Variants in CRYBA4 observed in about 807,000 individuals in gnomAD.
CRYBA4 encodes crystallin beta A4.
Under a neutral mutation model 31.7 loss-of-function variants are expected in CRYBA4, and 30 were observed. The ratio of observed to expected loss-of-function variants is 0.95; its 90% confidence interval spans 0.71 to 1.28. CRYBA4 has a LOEUF of 1.28. CRYBA4 is among the 50% of genes most tolerant of loss of function. The pLI, the probability that CRYBA4 is intolerant of heterozygous loss-of-function variation, is 0.00. For missense variants in CRYBA4, 225 were observed against 260.7 expected (o/e 0.86, Z 0.94); for synonymous variants, 102 against 102.3 (o/e 1.00, Z 0.02).
In CRYBA4 at chr22:26,630,426, G is replaced by T; in HGVS notation, c.530G>T (p.Arg177Leu). 1.2e-6 allele frequency: 2 copies of T among 1,614,112 alleles called. No individual in the cohort carries two copies. The highest frequency in any genetic ancestry group is 1.7e-6 in the Non-Finnish European group (2 of 1,180,028). ...DHHSGDYKHF[R>L]EWGSHAPTFQ... ...CATTCCGGTGACTACAAACATTTCC[G>T]GGAGTGGGGCTCTCATGCCCCGACC... Residue 177 changes from arginine (R) to leucine (L), a missense_variant, in exon 6 of 6, where the codon CGG (arginine) becomes CTG (leucine). Physicochemically the swap from Arg to Leu is moderately radical, Grantham distance 102 (BLOSUM62 -2). Coordinates refer to ENST00000354760, the MANE Select transcript of CRYBA4 (RefSeq NM_001886.3).
At chr22:26,627,324 CTTT>C in intron 4 of CRYBA4, among the ~76,000 whole-genome samples, 1 of 143,892 alleles carries the variant, frequency 6.9e-6, no homozygotes, top group African/African-American at 2.6e-5. Flanking sequence ...CTTTTCTTTT[CTTT>C]TCCTTTCCCC....
upstream of CRYBA4, among the ~76,000 whole-genome samples, chr22:26,621,645 G>A (rs1278058041): frequency 2.0e-5 from 3 of 152,180 alleles, no homozygotes; most frequent in South Asian, 2.1e-4. Flanking sequence ...GAAATGACTC[G>A]CTGGAGCTCA....
chr22:26,591,142 G>A, the CRYBA4 span, among the ~76,000 whole-genome samples: 5 of 151,888 alleles, frequency 3.3e-5, no homozygotes, highest in Admixed American at 1.3e-4. Context: ...GAGGCGAGGC[G>A]GGCGGATCAC....
At chr22:26,609,367 T>A in the CRYBA4 span, among the ~76,000 whole-genome samples, 1 of 152,094 alleles carries the variant, frequency 6.6e-6, no homozygotes, top group East Asian at 1.9e-4. Flanking sequence ...GAGAAATAAA[T>A]GGGAGAATAG....
the CRYBA4 span, among the ~76,000 whole-genome samples, chr22:26,596,210 C>T: frequency 5.9e-5 from 9 of 152,184 alleles, no homozygotes; most frequent in African/African-American, 2.2e-4. Context: ...ATTCTGCTGC[C>T]TCAGCCTCCA....
chr22:26,599,991 C>T, the CRYBA4 span, among the ~76,000 whole-genome samples: 1 of 152,226 alleles, frequency 6.6e-6, no homozygotes, highest in African/African-American at 2.4e-5. Context: ...TATGAATACA[C>T]ATCCCATTAA....
chr22:26,615,988 TAGAA>T, the CRYBA4 span: 5 of 709,920 alleles, frequency 7.0e-6, no homozygotes, highest in African/African-American at 1.8e-5. Context: ...GGAGAGTAAA[TAGAA>T]AGGAGAGAAA....
the CRYBA4 span, chr22:26,608,142 A>T: frequency 2.8e-6 from 4 of 1,423,186 alleles, no homozygotes; most frequent in Non-Finnish European, 3.9e-6. Flanking sequence ...GAAAGTCCAA[A>T]GGGGGCTGAA....
At chr22:26,595,160 A>G in the CRYBA4 span, among the ~76,000 whole-genome samples, 1 of 152,212 alleles carries the variant, frequency 6.6e-6, no homozygotes, top group Non-Finnish European at 1.5e-5. Context: ...CATTTTGTTT[A>G]TTCATAAATT....
At chr22:26,591,337 G>A in the CRYBA4 span, among the ~76,000 whole-genome samples, 1 of 152,110 alleles carries the variant, frequency 6.6e-6, no homozygotes, top group Non-Finnish European at 1.5e-5. Context: ...CGGGTGTGGT[G>A]GTACATGCCT....
the CRYBA4 span, among the ~76,000 whole-genome samples, chr22:26,592,393 C>T: frequency 6.6e-6 from 1 of 152,210 alleles, no homozygotes; most frequent in Non-Finnish European, 1.5e-5. Flanking sequence ...GTAAAGTGAG[C>T]ACCTGTAACT....
chr22:26,595,161 T>C, the CRYBA4 span, among the ~76,000 whole-genome samples: 1 of 152,284 alleles, frequency 6.6e-6, no homozygotes, highest in Non-Finnish European at 1.5e-5. Context: ...ATTTTGTTTA[T>C]TCATAAATTC....
At chr22:26,591,524 C>G in the CRYBA4 span, among the ~76,000 whole-genome samples, 1 of 148,064 alleles carries the variant, frequency 6.8e-6, no homozygotes, top group African/African-American at 2.5e-5. Flanking sequence ...GGGTGGATCA[C>G]CAGGTCAGGA....
At chr22:26,621,123 C>T (rs955138492), upstream of CRYBA4, among the ~76,000 whole-genome samples, 6 of 152,128 alleles carry the variant, frequency 3.9e-5, no homozygotes, top group African/African-American at 9.7e-5. Flanking sequence ...GGCAGGGTTT[C>T]GGGACAAGAG....
the CRYBA4 span, among the ~76,000 whole-genome samples, chr22:26,592,583 C>T: frequency 6.6e-6 from 1 of 152,162 alleles, no homozygotes; most frequent in African/African-American, 2.4e-5. Flanking sequence ...GCAGAGTGGA[C>T]AGGATGTGGT....
chr22:26,630,569 T>G lies in CRYBA4; in HGVS notation c.*82T>G. Reference sequence around the variant, plus strand: ...GAGGCTGTGGTGTGTTCTCTCCTTCTGCCTCCCCCTGTAACCTGTGTGAAC... The same window carrying G: ...GAGGCTGTGGTGTGTTCTCTCCTTCGGCCTCCCCCTGTAACCTGTGTGAAC... On this transcript the variant is annotated 3_prime_UTR_variant, in exon 6 of 6. Transcript: ENST00000354760. 2 of 1,218,530 alleles carry G rather than the reference T, an allele frequency of 1.6e-6. No homozygotes were observed. The highest frequency in any genetic ancestry group is 1.3e-5 in the South Asian group (1 of 77,604). The allele number at this position is 1,218,530 out of a possible 1,614,324, so 75.5% of individuals were successfully genotyped here. A position where few individuals can be genotyped will look rare whatever the true frequency, so the allele number is the denominator to read the frequency against.
At chr22:26,606,468 G>A in the CRYBA4 span, among the ~76,000 whole-genome samples, 1 of 152,044 alleles carries the variant, frequency 6.6e-6, no homozygotes, top group Non-Finnish European at 1.5e-5. Flanking sequence ...GGCCACATAT[G>A]GCTACTGCCT....
At chr22:26,619,584 T>C (rs1371133786), upstream of CRYBA4, among the ~76,000 whole-genome samples, 1 of 152,152 alleles carries the variant, frequency 6.6e-6, no homozygotes, top group African/African-American at 2.4e-5. Context: ...GGAGCCCAGC[T>C]CTGTCTTGAA....
chr22:26,625,916 T>G (rs998840310), intron 4 of CRYBA4, among the ~76,000 whole-genome samples: 7 of 152,078 alleles, frequency 4.6e-5, no homozygotes, highest in Non-Finnish European at 8.8e-5. Context: ...CCTTTTTTTT[T>G]TGTGATTCAG....
Sources: gnomAD v4.1 joint callset for allele counts (sites outside exome capture counted in the v4.1 genomes callset) on GRCh38, gnomAD v4.1.1 for gene constraint, MANE v1.5 for transcripts, NCBI Gene and HGNC (gene_info 2026-07-23, HGNC 2026-07-21) for gene names.